Variants in PARVB observed in about 807,000 individuals in gnomAD.
The protein encoded by PARVB is parvin beta, also known as beta-parvin.
In PARVB, 46 loss-of-function variants were observed where a neutral mutation model predicts 47.0. The observed-to-expected ratio is 0.98, with a 90% confidence interval of 0.77 to 1.25. PARVB has a LOEUF of 1.25. PARVB is among the 50% of genes most tolerant of loss of function. The pLI is 0.00. For synonymous variants in PARVB, 196 were observed against 196.3 expected, an observed-to-expected ratio of 1.00 and a Z score of 0.01; for missense variants, 473 against 471.6, an observed-to-expected ratio of 1.00 and a Z score of -0.03.
At chr22:44,061,254 C>T (rs1360039816) in intron 1 of PARVB, among the ~76,000 whole-genome samples, 3 of 152,094 alleles carry the variant, frequency 2.0e-5, no homozygotes, top group Non-Finnish European at 4.4e-5. Flanking sequence ...CATGGGGAAG[C>T]CCAGTCTCTA....
chr22:44,162,532 G>A (rs992382562), intron 11 of PARVB, among the ~76,000 whole-genome samples: 3 of 152,292 alleles, frequency 2.0e-5, no homozygotes, highest in Non-Finnish European at 4.4e-5. Context: ...CATTGGTCAG[G>A]CTGGTCTCGA....
At chr22:44,024,628 G>A (rs2050698333) in intron 1 of PARVB, among the ~76,000 whole-genome samples, 177 bp downstream of exon 1, 2 of 151,958 alleles carry the variant, frequency 1.3e-5, no homozygotes, top group Admixed American at 6.5e-5. Flanking sequence ...AACAACGGCC[G>A]GGACCTGGCG....
At chr22:44,129,470 T>C (rs1031818882) in intron 4 of PARVB, among the ~76,000 whole-genome samples, 2 of 152,206 alleles carry the variant, frequency 1.3e-5, no homozygotes, top group African/African-American at 4.8e-5. Context: ...CGGGGCCGGA[T>C]GGTGGCAGGT....
chr22:44,049,970 G>A lies in PARVB; in HGVS notation c.112+25519G>A, dbSNP rs781247404. On this transcript the variant is annotated intron_variant, in intron 1 of 12. Transcript: ENST00000338758. The surrounding 1 kb of genome is among the most constrained non-coding windows in gnomAD (Gnocchi z 4.0). ...TCTGTTTTACCTACACTTCCATATT[G>A]TGGGCATGTGGCTGCGGAAATGTGC... 8.5e-5 allele frequency among the ~76,000 whole-genome samples: 13 copies of A among 152,184 alleles called. No homozygotes were observed. The highest frequency in any genetic ancestry group is 1.9e-4 in the Non-Finnish European group (13 of 68,030).
intron 1 of PARVB, among the ~76,000 whole-genome samples, chr22:44,092,659 A>C (rs879338602): frequency 6.6e-6 from 1 of 152,150 alleles, no homozygotes; most frequent in African/African-American, 2.4e-5. Flanking sequence ...TCATGGTTAC[A>C]TTCAGCCCTT....
chr22:44,115,730 C>A (rs1254645870), intron 3 of PARVB: 1 of 90,182 alleles, frequency 1.1e-5, no homozygotes, highest in African/African-American at 6.1e-5. Flanking sequence ...CCTACAGCAA[C>A]ACAGATACAT....
rs2054235715 is a variant in PARVB at position 44,168,985 on chromosome 22, T to C, written c.*307T>C. The stretch of plus-strand genomic sequence containing the variant: ...GTGGGATGATGAGTCCGTTGTTGTC[T>C]GCCTTGGCCGAAAGATGAAAAAAAG... On this transcript the variant is annotated 3_prime_UTR_variant, in exon 13 of 13. Coordinates refer to ENST00000338758, the MANE Select transcript of PARVB (RefSeq NM_013327.5). 1 of 267,310 alleles carries C rather than the reference T, an allele frequency of 3.7e-6. No homozygotes were observed. Among genetic ancestry groups the C allele is most frequent in the Non-Finnish European group, 7.3e-6 (1 of 137,756 alleles). The allele number at this position is 267,310 out of a possible 1,614,324, so 16.6% of individuals were successfully genotyped here. A position where few individuals can be genotyped will look rare whatever the true frequency, so the allele number is the denominator to read the frequency against.
chr22:44,073,563 C>G (rs1019648087), intron 1 of PARVB, among the ~76,000 whole-genome samples: 4 of 152,200 alleles, frequency 2.6e-5, no homozygotes, highest in African/African-American at 9.7e-5. Context: ...GTCTCGAATA[C>G]CAATGCCAAA....
intron 1 of PARVB, among the ~76,000 whole-genome samples, chr22:44,091,818 A>G (rs920440704): frequency 2.0e-5 from 3 of 152,192 alleles, no homozygotes; most frequent in African/African-American, 7.2e-5. Flanking sequence ...CTAGGCTCTG[A>G]TACTCCTGCA....
intron 8 of PARVB, chr22:44,140,732 A>C (rs2053534893): frequency 7.8e-6 from 3 of 386,858 alleles, no homozygotes; most frequent in Non-Finnish European, 1.1e-5. Flanking sequence ...GGGTGAGATC[A>C]CAGGTGAGTG....
At position 44,171,498 on chromosome 22, in the gene PARVB, A is replaced by AG. The variant is rs1488991968; in HGVS notation, c.*2820_*2821insG. ...CAACAGAGTGAGACTCTGTCTCAAA[A>AG]AAAAAAAAGAAAGAAAAAAGAAAAA... On this transcript the variant is annotated 3_prime_UTR_variant, in exon 13 of 13. Coordinates refer to ENST00000338758, the MANE Select transcript of PARVB (RefSeq NM_013327.5). 2 of 152,224 alleles carry AG rather than the reference A, an allele frequency of 1.3e-5. No homozygotes were observed. The highest frequency in any genetic ancestry group is 4.9e-5 in the African/African-American group (2 of 41,184). 9.4% of individuals were successfully genotyped at this position (152,224 alleles called of 1,614,324 possible).
chr22:44,122,574 G>C (rs60083606), intron 4 of PARVB, among the ~76,000 whole-genome samples: 2,889 of 107,064 alleles, frequency 0.027, 166 homozygotes, highest in African/African-American at 0.11. Context: ...GAGAGAGAGA[G>C]AGAGAGAGAG....
chr22:44,066,783 C>T (rs3765646), intron 1 of PARVB, among the ~76,000 whole-genome samples: 2,420 of 31,608 alleles, frequency 0.077, 138 homozygotes, highest in East Asian at 0.46. Context: ...AATTATTTCT[C>T]CTCCTCCTCC....
At chr22:44,005,413 GTT>G (rs35410688) in intron 2 of PARVB, among the ~76,000 whole-genome samples, 7 of 143,316 alleles carry the variant, frequency 4.9e-5, no homozygotes, top group East Asian at 2.0e-4. Context: ...ACGCCTGGCC[GTT>G]TTTTTTTTTT....
intron 1 of PARVB, among the ~76,000 whole-genome samples, chr22:44,090,396 G>A (rs1569104810): frequency 6.6e-6 from 1 of 152,236 alleles, no homozygotes; most frequent in Non-Finnish European, 1.5e-5. Flanking sequence ...CCTGGGCGGT[G>A]TTCGTGAGCA....
chr22:44,133,351 G>T (rs2053372070), intron 6 of PARVB, among the ~76,000 whole-genome samples: 1 of 152,142 alleles, frequency 6.6e-6, no homozygotes, highest in Non-Finnish European at 1.5e-5. Context: ...GGCCCCGCGG[G>T]ATGAAACAGA....
chr22:44,038,030 GAT>G (rs1056632608), intron 1 of PARVB, among the ~76,000 whole-genome samples: 2 of 152,228 alleles, frequency 1.3e-5, no homozygotes, highest in Non-Finnish European at 1.5e-5. Context: ...TGGGTCCCAT[GAT>G]CTTCCTTGGC....
chr22:44,088,695 G>A (rs1030412597), intron 1 of PARVB, among the ~76,000 whole-genome samples: 1 of 152,104 alleles, frequency 6.6e-6, no homozygotes. Context: ...TGGTCTCGAA[G>A]TCCTGACCTC....
intron 4 of PARVB, among the ~76,000 whole-genome samples, chr22:44,131,235 G>A (rs1332265937): frequency 6.6e-6 from 1 of 151,270 alleles, no homozygotes; most frequent in Non-Finnish European, 1.5e-5. Context: ...TCCACCTCCC[G>A]GGTTCAAGCA....
Sources: allele counts gnomAD v4.1 joint callset (sites outside exome capture counted in the v4.1 genomes callset), GRCh38; gene constraint gnomAD v4.1.1; non-coding constraint Gnocchi (gnomAD v3.1); transcripts MANE v1.5; gene names NCBI Gene and HGNC (gene_info 2026-07-23, HGNC 2026-07-21).